Variants in COL19A1 observed in about 807,000 individuals in gnomAD.
COL19A1 encodes the protein collagen alpha-1(XIX) chain.
In COL19A1, 159 loss-of-function variants were observed where a neutral mutation model predicts 190.2. The ratio of observed to expected loss-of-function variants is 0.84; its 90% CI spans 0.73 to 0.95. The LOEUF is 0.95. Ranked by LOEUF, COL19A1 falls within the 40% of genes least tolerant of loss-of-function variation. The pLI is 0.00. For synonymous variants in COL19A1, 509 were observed against 458.9 expected (o/e 1.11, Z -1.39); for missense variants, 1,418 against 1,431.9 (o/e 0.99, Z 0.16).
At chr6:69,919,166 C>G (rs115213808) in intron 4 of COL19A1, among the ~76,000 whole-genome samples, 1,933 of 152,288 alleles carry the variant, frequency 0.013, 43 homozygotes, top group African/African-American at 0.037. Flanking sequence ...TGTTCTCTCT[C>G]TGTGTCTTCC....
chr6:69,962,969 C>T, intron 11 of COL19A1, 99 bp downstream of exon 11: 1 of 818,240 alleles, frequency 1.2e-6, no homozygotes, highest in Non-Finnish European at 1.9e-6. Context: ...TCCCTATAAG[C>T]AATTCAATAA....
intron 14 of COL19A1, among the ~76,000 whole-genome samples, chr6:70,052,471 C>G (rs371431647): frequency 6.1e-4 from 93 of 152,332 alleles, no homozygotes; most frequent in African/African-American, 2.2e-3. Context: ...CACACCATGG[C>G]TAACTATACC....
chr6:70,142,701 C>T, intron 22 of COL19A1, 66 bp from the exon 23 acceptor site: 2 of 1,396,102 alleles, frequency 1.4e-6, no homozygotes, highest in Non-Finnish European at 2.0e-6. Context: ...TACAAATACT[C>T]AGGTACAATC....
intron 7 of COL19A1, among the ~76,000 whole-genome samples, chr6:69,935,135 G>A (rs1773015243): frequency 6.6e-6 from 1 of 151,936 alleles, no homozygotes; most frequent in Admixed American, 6.6e-5. Flanking sequence ...AAAGAATGAA[G>A]AACAAATATT....
chr6:70,082,046 T>A (rs997644733), intron 15 of COL19A1, among the ~76,000 whole-genome samples: 2 of 152,154 alleles, frequency 1.3e-5, no homozygotes, highest in African/African-American at 4.8e-5. Flanking sequence ...ATATTCTACA[T>A]CAGTGAAAAG....
At chr6:70,135,912 G>T (rs1239207454) in intron 18 of COL19A1, among the ~76,000 whole-genome samples, 1 of 152,088 alleles carries the variant, frequency 6.6e-6, no homozygotes. Context: ...TCCACCCAGG[G>T]GGTGGAATTG....
chr6:69,964,051 T>C (rs1774957500), intron 11 of COL19A1, among the ~76,000 whole-genome samples: 1 of 152,200 alleles, frequency 6.6e-6, no homozygotes, highest in Non-Finnish European at 1.5e-5. Context: ...ATGTATGGAA[T>C]TGGATGGCCA....
chr6:69,877,417 A>G (rs1044416182), intron 1 of COL19A1, among the ~76,000 whole-genome samples: 4 of 152,198 alleles, frequency 2.6e-5, no homozygotes, highest in Non-Finnish European at 4.4e-5. Flanking sequence ...ATACATTAAT[A>G]TTAAATATGA....
At chr6:69,926,893 A>C (rs1415214484) in intron 4 of COL19A1, among the ~76,000 whole-genome samples, 1 of 152,134 alleles carries the variant, frequency 6.6e-6, no homozygotes, top group Non-Finnish European at 1.5e-5. Flanking sequence ...CAAAACAGAA[A>C]ACAAGAAGTT....
At chr6:70,157,822 G>T (rs1277592822) in intron 34 of COL19A1, among the ~76,000 whole-genome samples, 1 of 152,080 alleles carries the variant, frequency 6.6e-6, no homozygotes, top group Non-Finnish European at 1.5e-5. Context: ...CAAAAGGTAG[G>T]CTTTAGAGGC....
At position 69,929,433 on chromosome 6, in the gene COL19A1, A is replaced by G; in HGVS notation, c.399A>G (p.Ile133Met). 1.9e-6 allele frequency: 3 copies of G among 1,613,516 alleles called. No individual in the cohort carries two copies. The highest frequency in any genetic ancestry group is 2.5e-6 in the Non-Finnish European group (3 of 1,179,710). The change falls in exon 6 of 51, where the codon ATA (isoleucine) becomes ATG (methionine). Residue 133 changes from isoleucine to methionine, a missense_variant. By Grantham distance (10) the Ile-to-Met change is conservative (BLOSUM62 1). Transcript: ENST00000620364. ...ACTTTACATTTTTGCAGATTTCTATAGTAGTTGATGGTGGAAAGAAGGTGG... is the reference window on the plus strand; with the variant it reads ...ACTTTACATTTTTGCAGATTTCTATGGTAGTTGATGGTGGAAAGAAGGTGG... ...LNQQNIPQISIVVDGGKKVVE... is the reference protein window; with the variant it reads ...LNQQNIPQISMVVDGGKKVVE...
At chr6:70,023,371 A>G (rs111665751) in intron 11 of COL19A1, among the ~76,000 whole-genome samples, 2 of 151,966 alleles carry the variant, frequency 1.3e-5, no homozygotes, top group African/African-American at 4.8e-5. Flanking sequence ...CCTGACCTCA[A>G]CTGATCCACC....
At chr6:70,022,400 T>C (rs1232338948) in intron 11 of COL19A1, among the ~76,000 whole-genome samples, 1 of 152,184 alleles carries the variant, frequency 6.6e-6, no homozygotes, top group African/African-American at 2.4e-5. Flanking sequence ...TCATCTGTAA[T>C]CACAATGCAT....
chr6:70,195,135 T>TTATATATA (rs1583143242), intron 48 of COL19A1, among the ~76,000 whole-genome samples: 2 of 114,002 alleles, frequency 1.8e-5, no homozygotes, highest in African/African-American at 4.5e-5. Flanking sequence ...ACATCATTGA[T>TTATATATA]GATATATATA....
At chr6:69,886,462 G>A (rs1768943691) in intron 2 of COL19A1, among the ~76,000 whole-genome samples, 1 of 152,186 alleles carries the variant, frequency 6.6e-6, no homozygotes, top group Non-Finnish European at 1.5e-5. Context: ...ATATGATCCA[G>A]CAACCCCTCT....
intron 4 of COL19A1, among the ~76,000 whole-genome samples, chr6:69,921,404 T>TATATATC (rs796113918): frequency 7.2e-5 from 7 of 96,690 alleles, no homozygotes; most frequent in African/African-American, 3.9e-4. Context: ...TCATATATCA[T>TATATATC]ATATATCATA....
rs187567732 is a variant in COL19A1 at position 69,942,656 on chromosome 6, A to G, written c.936+4556A>G. Among the ~76,000 whole-genome samples the G allele has an allele frequency of 2.0e-5, 3 of 151,958 alleles. No individual in the cohort carries two copies. In the East Asian group the frequency reaches 5.8e-4, roughly 29 times the overall value. On this transcript the variant is annotated intron_variant, in intron 9 of 50. Coordinates refer to ENST00000620364, the MANE Select transcript of COL19A1 (RefSeq NM_001858.6). ...CTGTGCCTGGCTTATTTCACTTACA[A>G]CAATGTCATTCTGACTCGTCCATGT...
intron 48 of COL19A1, among the ~76,000 whole-genome samples, chr6:70,198,883 T>C (rs1386770173): frequency 6.6e-6 from 1 of 152,202 alleles, no homozygotes; most frequent in Non-Finnish European, 1.5e-5. Flanking sequence ...GCTGCAGTCA[T>C]TTGAAGGCTT....
Position 70,068,484 on chromosome 6 carries a change from AAG to A in COL19A1, c.1224+9_1224+10del. On this transcript the variant is annotated intron_variant, in intron 15 of 50. Coordinates refer to ENST00000620364, the MANE Select transcript of COL19A1 (RefSeq NM_001858.6). The stretch of plus-strand genomic sequence containing the variant: ...GGAAAAGAGGGTCAGAGGGTAAGTA[AAG>A]CTGGAACAACTGGTGGGCATTACTA... 6.4e-7 allele frequency: 1 copy of A among 1,568,620 alleles called. No homozygotes were observed. Among genetic ancestry groups the A allele is most frequent in the Non-Finnish European group, 8.7e-7 (1 of 1,142,932 alleles).
Sources: allele counts gnomAD v4.1 joint callset (sites outside exome capture counted in the v4.1 genomes callset), GRCh38; gene constraint gnomAD v4.1.1; transcripts MANE v1.5; gene names NCBI Gene and HGNC (gene_info 2026-07-23, HGNC 2026-07-21).